AGPAT4: variants seen among roughly 807,000 people sequenced by gnomAD.
AGPAT4 encodes 1-acylglycerol-3-phosphate O-acyltransferase 4.
A neutral mutation model predicts 48.0 loss-of-function variants in AGPAT4; 15 were observed. The ratio of observed to expected loss-of-function variants is 0.31; its 90% confidence interval spans 0.21 to 0.48. The LOEUF is 0.48. AGPAT4 is among the 20% of genes least tolerant of loss of function. The pLI is 0.99. For missense variants in AGPAT4, 314 were observed against 482.5 expected, an observed-to-expected ratio of 0.65 and a Z score of 3.27; for synonymous variants, 178 against 198.7, an observed-to-expected ratio of 0.90 and a Z score of 0.88.
In AGPAT4 at chr6:161,201,237, A is replaced by G. The variant is rs578087077; in HGVS notation, c.178+30799T>C. ...GACTTAATTCTGTACCTAATCAGAT[A>G]AGGTGAAGGTTAAGAAGCCATTAAT... On this transcript the variant is annotated intron_variant, in intron 2 of 8. Coordinates refer to ENST00000320285, the MANE Select transcript of AGPAT4 (RefSeq NM_020133.3). This position sits in a 1 kb window ranked among gnomAD's most constrained non-coding sequence, Gnocchi z 6.0. 6.6e-6 allele frequency among the ~76,000 whole-genome samples: 1 copy of G among 152,292 alleles called. No homozygotes were observed. The highest frequency in any genetic ancestry group is 2.4e-5 in the African/African-American group (1 of 41,552).
Position 161,233,267 on chromosome 6 carries a change from T to G in AGPAT4, c.-89-965A>C, listed in dbSNP as rs1158787823. On this transcript the variant is annotated intron_variant, in intron 1 of 8. Coordinates refer to ENST00000320285, the MANE Select transcript of AGPAT4 (RefSeq NM_020133.3). This position sits in a 1 kb window ranked among gnomAD's most constrained non-coding sequence, Gnocchi z 5.4. ...AGAATAATGAAATGACTTTACAGTT[T>G]GGGAAATAAAAGCTTTCCTTTGAGG... Among the ~76,000 whole-genome samples, 1 of 152,200 alleles carries G rather than the reference T, an allele frequency of 6.6e-6. No homozygotes were observed. The highest frequency in any genetic ancestry group is 1.5e-5 in the Non-Finnish European group (1 of 68,028).
rs58585411 is a variant in AGPAT4 at position 161,148,311 on chromosome 6, G to A, written c.767+876C>T. Reference sequence around the variant, plus strand: ...TGACGATGCTGTCCTATTTTCATGGGAAAGCCAGAGTCATTTTTAGATCAG... The same window carrying A: ...TGACGATGCTGTCCTATTTTCATGGAAAAGCCAGAGTCATTTTTAGATCAG... On this transcript the variant is annotated intron_variant, in intron 6 of 8. Transcript: ENST00000320285. This position sits in a 1 kb window ranked among gnomAD's most constrained non-coding sequence, Gnocchi z 5.5. 0.017 allele frequency among the ~76,000 whole-genome samples: 2,571 copies of A among 152,270 alleles called. 76 individuals are homozygous for A. The highest frequency in any genetic ancestry group is 0.055 in the African/African-American group (2,265 of 41,538).
At chr6:161,168,840 C>T (rs921787029) in intron 2 of AGPAT4, among the ~76,000 whole-genome samples, 6 of 152,118 alleles carry the variant, frequency 3.9e-5, no homozygotes, top group African/African-American at 7.2e-5. Context: ...ATCCAGGCTC[C>T]GATCCCGGTG....
At position 161,165,218 on chromosome 6, in the gene AGPAT4, C is replaced by A. The variant is rs112497395; in HGVS notation, c.348+1030G>T. On this transcript the variant is annotated intron_variant, in intron 3 of 8. Coordinates refer to ENST00000320285, the MANE Select transcript of AGPAT4 (RefSeq NM_020133.3). The surrounding 1 kb of genome is among the most constrained non-coding windows in gnomAD (Gnocchi z 5.5). ...TCCTAGAAATATATTTGCACACACA[C>A]ACACGTGTACACACAAGAAGATATC... Among the ~76,000 whole-genome samples, 1,373 of 152,290 alleles carry A rather than the reference C, an allele frequency of 9.0e-3. 19 individuals are homozygous for A. The highest frequency in any genetic ancestry group is 0.032 in the African/African-American group (1,313 of 41,546).
Position 161,221,802 on chromosome 6 carries a change from G to A in AGPAT4, c.178+10234C>T, listed in dbSNP as rs1010163068. ...TTGGCTTGCAGGGGATATTGTCCTC[G>A]TATCTTCACATCGTCTTCCTCTCTG... On this transcript the variant is annotated intron_variant, in intron 2 of 8. Transcript: ENST00000320285. This position sits in a 1 kb window ranked among gnomAD's most constrained non-coding sequence, Gnocchi z 4.5. 2.0e-5 allele frequency among the ~76,000 whole-genome samples: 3 copies of A among 152,134 alleles called. No individual in the cohort carries two copies. The highest frequency in any genetic ancestry group is 6.5e-5 in the Admixed American group (1 of 15,280).
chr6:161,166,155 C>A lies in AGPAT4; in HGVS notation c.348+93G>T. The stretch of plus-strand genomic sequence containing the variant: ...TCAAGTAGAAACTCTGTTGATTCTT[C>A]TGCAAGTTCTGAATGACCAGGAGCA... On this transcript the variant is annotated intron_variant, in intron 3 of 8. Transcript: ENST00000320285. The surrounding 1 kb of genome is among the most constrained non-coding windows in gnomAD (Gnocchi z 6.7). 6.7e-7 allele frequency: 1 copy of A among 1,486,582 alleles called. No individual in the cohort carries two copies. The highest frequency in any genetic ancestry group is 1.2e-5 in the South Asian group (1 of 81,340). The allele number at this position is 1,486,582 out of a possible 1,614,324, so 92.1% of individuals were successfully genotyped here.
Position 161,132,035 on chromosome 6 carries a change from G to A in AGPAT4, c.*4505C>T, listed in dbSNP as rs1162834870. ...TGTGCTAATGCCTAGGGAGGCATCA[G>A]GCACTGTGCTGGCTTGGGGGATCCT... On this transcript the variant is annotated 3_prime_UTR_variant, in exon 9 of 9. Coordinates refer to ENST00000320285, the MANE Select transcript of AGPAT4 (RefSeq NM_020133.3). The A allele has an allele frequency of 6.6e-6, 1 of 152,332 alleles. No individual in the cohort carries two copies. Among genetic ancestry groups the A allele is most frequent in the Admixed American group, 6.5e-5 (1 of 15,282 alleles). The allele number at this position is 152,332 out of a possible 1,614,324, so 9.4% of individuals were successfully genotyped here.
Position 161,197,424 on chromosome 6 carries a change from T to A in AGPAT4, c.179-31007A>T, listed in dbSNP as rs950598418. ...GTGGTCATGGTAAATATTTTCAACA[T>A]CTAAACCTAGTTGGCCCCTCCTCTG... On this transcript the variant is annotated intron_variant, in intron 2 of 8. Coordinates refer to ENST00000320285, the MANE Select transcript of AGPAT4 (RefSeq NM_020133.3). This position sits in a 1 kb window ranked among gnomAD's most constrained non-coding sequence, Gnocchi z 5.7. Among the ~76,000 whole-genome samples, 2 of 152,156 alleles carry A rather than the reference T, an allele frequency of 1.3e-5. No individual in the cohort carries two copies. The highest frequency in any genetic ancestry group is 4.8e-5 in the African/African-American group (2 of 41,430).
chr6:161,141,787 TG>T lies in AGPAT4; in HGVS notation c.844-2168del, dbSNP rs1262979217. On this transcript the variant is annotated intron_variant, in intron 7 of 8. Transcript: ENST00000320285. This position sits in a 1 kb window ranked among gnomAD's most constrained non-coding sequence, Gnocchi z 6.7. ...AGAAAGACATTTGCTAGGCCAAGAT[TG>T]TTTTATTTGCACCTCTAGCAAGAAG... Among the ~76,000 whole-genome samples, 6 of 152,166 alleles carry T rather than the reference TG, an allele frequency of 3.9e-5. No homozygotes were observed. In the East Asian group the frequency reaches 1.2e-3, roughly 29 times the overall value.
intron 1 of AGPAT4, among the ~76,000 whole-genome samples, chr6:161,241,060 C>T (rs1339460249): frequency 2.6e-5 from 4 of 151,878 alleles, no homozygotes; most frequent in Admixed American, 2.0e-4. Context: ...GTCAGGAGTT[C>T]GAGACAGCCT....
intron 2 of AGPAT4, among the ~76,000 whole-genome samples, chr6:161,173,340 C>T (rs1025444002): frequency 2.0e-5 from 3 of 152,226 alleles, no homozygotes; most frequent in Admixed American, 2.0e-4. Context: ...GCCATTCTAA[C>T]TGACATGAGA....
At position 161,166,754 on chromosome 6, in the gene AGPAT4, G is replaced by A. The variant is rs1488881799; in HGVS notation, c.179-337C>T. 5.3e-5 allele frequency among the ~76,000 whole-genome samples: 8 copies of A among 152,286 alleles called. No homozygotes were observed. Among genetic ancestry groups the A allele is most frequent in the South Asian group, 2.1e-4 (1 of 4,824 alleles). ...TGTTTACAGAGCTCTGAAAGGCAGC[G>A]TGAGATGAGGTATAGAATTCTTAAT... On this transcript the variant is annotated intron_variant, in intron 2 of 8. Coordinates refer to ENST00000320285, the MANE Select transcript of AGPAT4 (RefSeq NM_020133.3). The surrounding 1 kb of genome is among the most constrained non-coding windows in gnomAD (Gnocchi z 6.7).
chr6:161,171,145 G>GA lies in AGPAT4; in HGVS notation c.179-4729dup, dbSNP rs1780257157. On this transcript the variant is annotated intron_variant, in intron 2 of 8. Coordinates refer to ENST00000320285, the MANE Select transcript of AGPAT4 (RefSeq NM_020133.3). This position sits in a 1 kb window ranked among gnomAD's most constrained non-coding sequence, Gnocchi z 4.4. ...AGGGCTTTCTGTTGTTTAGTTAAGG[G>GA]AAAATCACCTGTTGAGAGTTTCAGG... is the stretch of plus-strand genomic sequence containing the variant. Among the ~76,000 whole-genome samples, 2 of 152,356 alleles carry GA rather than the reference G, an allele frequency of 1.3e-5. No individual in the cohort carries two copies. Among genetic ancestry groups the GA allele is most frequent in the East Asian group, 3.9e-4 (2 of 5,194 alleles).
At chr6:161,273,836 G>A (rs973611949) in intron 1 of AGPAT4, 102 bp downstream of exon 1, 2 of 121,148 alleles carry the variant, frequency 1.7e-5, no homozygotes, top group African/African-American at 6.4e-5. Flanking sequence ...GAGGTCCTAA[G>A]GAAATCCAGC....
At chr6:161,228,961 T>C (rs1254057626) in intron 2 of AGPAT4, among the ~76,000 whole-genome samples, 4 of 151,950 alleles carry the variant, frequency 2.6e-5, no homozygotes, top group Non-Finnish European at 5.9e-5. Flanking sequence ...TTGCTGCCAC[T>C]AGAATAAAAT....
chr6:161,187,334 G>T (rs926687066), intron 2 of AGPAT4, among the ~76,000 whole-genome samples: 1 of 151,990 alleles, frequency 6.6e-6, no homozygotes, highest in Non-Finnish European at 1.5e-5. Flanking sequence ...TGTTCATTTC[G>T]TTGTTGTTGC....
At chr6:161,211,034 G>A (rs1649749161) in intron 2 of AGPAT4, among the ~76,000 whole-genome samples, 1 of 152,202 alleles carries the variant, frequency 6.6e-6, no homozygotes, top group African/African-American at 2.4e-5. Context: ...GCCCAGGAAT[G>A]AGCAAGGACA....
At chr6:161,152,879 G>T (rs1252694117) in intron 5 of AGPAT4, among the ~76,000 whole-genome samples, 1 of 152,218 alleles carries the variant, frequency 6.6e-6, no homozygotes. Flanking sequence ...CATGACAAGA[G>T]GCCAGAGGCA....
At position 161,206,980 on chromosome 6, in the gene AGPAT4, G is replaced by A. The variant is rs1377754136; in HGVS notation, c.178+25056C>T. 6.6e-6 allele frequency among the ~76,000 whole-genome samples: 1 copy of A among 152,164 alleles called. No homozygotes were observed. The highest frequency in any genetic ancestry group is 1.5e-5 in the Non-Finnish European group (1 of 68,018). Reference sequence around the variant, plus strand: ...GAAATCAGCTCATCTGGACAACAGAGAAAATAGGCTGAAAAATAGTCCTTT... The same window carrying A: ...GAAATCAGCTCATCTGGACAACAGAAAAAATAGGCTGAAAAATAGTCCTTT... On this transcript the variant is annotated intron_variant, in intron 2 of 8. Transcript: ENST00000320285. The surrounding 1 kb of genome is among the most constrained non-coding windows in gnomAD (Gnocchi z 4.8).
Sources: allele counts gnomAD v4.1 joint callset (sites outside exome capture counted in the v4.1 genomes callset), GRCh38; gene constraint gnomAD v4.1.1; non-coding constraint Gnocchi (gnomAD v3.1); transcripts MANE v1.5; gene names NCBI Gene and HGNC (gene_info 2026-07-23, HGNC 2026-07-21).